Variants in FGGY observed in about 807,000 individuals in gnomAD.
The protein encoded by FGGY is FGGY carbohydrate kinase domain-containing protein.
Under a neutral mutation model 71.3 loss-of-function variants are expected in FGGY, and 72 were observed. That is an observed-to-expected ratio of 1.01 (90% CI 0.84 to 1.23). The LOEUF (loss-of-function observed/expected upper bound fraction) is 1.23, where lower values mean the gene tolerates loss of function less well. Ranked by LOEUF, FGGY falls within the 50% of genes most tolerant of loss-of-function variation. FGGY has a pLI of 0.00. For synonymous variants in FGGY, 251 were observed against 250.3 expected (o/e 1.00, Z -0.02); for missense variants, 668 against 682.3 (o/e 0.98, Z 0.23).
At chr1:59,558,172 T>TA (rs927443324) in intron 8 of FGGY, among the ~76,000 whole-genome samples, 4 of 152,218 alleles carry the variant, frequency 2.6e-5, no homozygotes, top group African/African-American at 9.7e-5. Context: ...GCCATCTTTG[T>TA]AAATGACTTG....
intron 3 of FGGY, among the ~76,000 whole-genome samples, chr1:59,340,903 T>C (rs942643427): frequency 1.3e-5 from 2 of 152,188 alleles, no homozygotes; most frequent in Non-Finnish European, 2.9e-5. Context: ...GGAGGCTGCA[T>C]TGCACTGGAA....
rs1419798465 is a variant in FGGY, at chr1:59,456,975, T to C, written c.569T>C (p.Leu190Pro). 2.5e-6 allele frequency: 4 copies of C among 1,613,318 alleles called. No homozygotes were observed. Among genetic ancestry groups the C allele is most frequent in the Non-Finnish European group, 3.4e-6 (4 of 1,179,380 alleles). The change falls in exon 6 of 16, where the codon CTG (leucine) becomes CCG (proline). Residue 190 changes from leucine to proline, a missense_variant. Physicochemically the swap from Leu to Pro is moderately conservative, Grantham distance 98. Transcript: ENST00000303721. ...TATTTTCTTAGGTCTCTCTGCTCCC[T>C]GGTGTGTAAGTGGACATATTCAGCA... ...TGVTARSLCS[L>P]VCKWTYSAEK... is the part of the protein sequence containing the mutation.
At chr1:59,652,981 C>T (rs1180381732) in intron 11 of FGGY, among the ~76,000 whole-genome samples, 1 of 152,070 alleles carries the variant, frequency 6.6e-6, no homozygotes, top group African/African-American at 2.4e-5. Flanking sequence ...AGACAGGACC[C>T]TCAGCTGCAG....
In FGGY at chr1:59,537,484, T is replaced by C. The variant is rs575759790; in HGVS notation, c.800-16640T>C. 3.2e-3 allele frequency among the ~76,000 whole-genome samples: 483 copies of C among 152,224 alleles called. 2 individuals carry two copies. The highest frequency in any genetic ancestry group is 0.011 in the African/African-American group (457 of 41,506). On this transcript the variant is annotated intron_variant, in intron 7 of 15. Transcript: ENST00000303721. The stretch of plus-strand genomic sequence containing the variant: ...GCTACCAATGACTTTCTTCACAGAA[T>C]TGGAAAAAACTACTTTAAACTTCAT...
At chr1:59,617,553 C>T (rs1367144962) in intron 9 of FGGY, among the ~76,000 whole-genome samples, 1 of 152,064 alleles carries the variant, frequency 6.6e-6, no homozygotes, top group African/African-American at 2.4e-5. Context: ...CAAGGCCTGT[C>T]TCATGCTTGC....
At chr1:59,690,323 G>A (rs780321907) in intron 14 of FGGY, among the ~76,000 whole-genome samples, 1 of 152,098 alleles carries the variant, frequency 6.6e-6, no homozygotes, top group African/African-American at 2.4e-5. Flanking sequence ...GGTCCCATGA[G>A]ATCCTGATAT....
At chr1:59,643,794 G>A (rs900177867) in intron 11 of FGGY, among the ~76,000 whole-genome samples, 5 of 152,180 alleles carry the variant, frequency 3.3e-5, no homozygotes, top group Admixed American at 1.3e-4. Context: ...AATATCAACA[G>A]TTCTTAGGTC....
chr1:59,625,485 AT>A (rs1308673674), intron 9 of FGGY, among the ~76,000 whole-genome samples: 7 of 151,956 alleles, frequency 4.6e-5, no homozygotes, highest in Non-Finnish European at 7.4e-5. Context: ...GTTTCAAAAA[AT>A]TTTTTTAATG....
chr1:59,484,413 C>A (rs966608172), intron 6 of FGGY, among the ~76,000 whole-genome samples: 1 of 152,086 alleles, frequency 6.6e-6, no homozygotes, highest in African/African-American at 2.4e-5. Context: ...TTTCCATGGG[C>A]CTTAAAGGAA....
chr1:59,614,219 C>T (rs1184696233), intron 9 of FGGY, among the ~76,000 whole-genome samples: 1 of 152,150 alleles, frequency 6.6e-6, no homozygotes, highest in African/African-American at 2.4e-5. Context: ...AGACCAATAT[C>T]CCTGATGAAC....
chr1:59,388,705 A>T (rs1225414509), intron 5 of FGGY, among the ~76,000 whole-genome samples: 2 of 152,130 alleles, frequency 1.3e-5, no homozygotes, highest in Admixed American at 1.3e-4. Context: ...ATACTATATG[A>T]TTCACTAATT....
At chr1:59,722,784 AT>A (rs927267051) in intron 14 of FGGY, among the ~76,000 whole-genome samples, 4 of 152,036 alleles carry the variant, frequency 2.6e-5, no homozygotes, top group African/African-American at 9.7e-5. Flanking sequence ...AAAGAGTCTG[AT>A]TCTTTTTTTT....
intron 14 of FGGY, among the ~76,000 whole-genome samples, chr1:59,674,758 C>G (rs1025797893): frequency 3.3e-5 from 5 of 152,140 alleles, no homozygotes; most frequent in Non-Finnish European, 7.4e-5. Context: ...AGAGGGAAAA[C>G]TTTTCCTCCC....
intron 10 of FGGY, among the ~76,000 whole-genome samples, chr1:59,630,836 T>C (rs1013745729): frequency 3.9e-5 from 6 of 152,220 alleles, no homozygotes; most frequent in Admixed American, 1.3e-4. Flanking sequence ...TCCCACCTCT[T>C]TTCACATAAC....
chr1:59,433,993 A>G (rs2067911132), intron 5 of FGGY, among the ~76,000 whole-genome samples: 1 of 152,260 alleles, frequency 6.6e-6, no homozygotes, highest in Non-Finnish European at 1.5e-5. Context: ...TTTGGACAAC[A>G]TGCTTAGCTT....
intron 11 of FGGY, among the ~76,000 whole-genome samples, chr1:59,655,739 G>A (rs936466057): frequency 6.6e-6 from 1 of 152,182 alleles, no homozygotes; most frequent in African/African-American, 2.4e-5. Flanking sequence ...TGTAGACTCA[G>A]TACAGCTTAC....
chr1:59,499,299 G>T (rs12123515), intron 6 of FGGY, among the ~76,000 whole-genome samples: 166 of 105,714 alleles, frequency 1.6e-3, no homozygotes, highest in African/African-American at 3.9e-3. Flanking sequence ...TACTATGTTT[G>T]TTTTTTTTTT....
At chr1:59,488,457 G>T (rs1008349859) in intron 6 of FGGY, among the ~76,000 whole-genome samples, 1 of 149,158 alleles carries the variant, frequency 6.7e-6, no homozygotes, top group South Asian at 2.1e-4. Flanking sequence ...CTAATTTTTT[G>T]TATATTTTCT....
At chr1:59,634,516 T>C (rs1180608688) in intron 10 of FGGY, among the ~76,000 whole-genome samples, 1 of 152,308 alleles carries the variant, frequency 6.6e-6, no homozygotes, top group South Asian at 2.1e-4. Context: ...TGTTATACCA[T>C]GTATTCTGAT....
Sources: gnomAD v4.1 joint callset for allele counts (sites outside exome capture counted in the v4.1 genomes callset) on GRCh38, gnomAD v4.1.1 for gene constraint, MANE v1.5 for transcripts, NCBI Gene and HGNC (gene_info 2026-07-23, HGNC 2026-07-21) for gene names.